The following ZNF841 variants were observed in gnomAD, a reference collection of about 807,000 sequenced individuals.
ZNF841 encodes zinc finger protein 841.
In ZNF841, 11 loss-of-function variants were observed where a neutral mutation model predicts 13.0. That is an observed-to-expected ratio of 0.85 (90% CI 0.53 to 1.40). The LOEUF (loss-of-function observed/expected upper bound fraction) is 1.40. ZNF841 is among the 40% of genes most tolerant of loss of function. The pLI is 0.00. For synonymous variants in ZNF841, 369 were observed against 381.6 expected, an observed-to-expected ratio of 0.97 and a Z score of 0.38; for missense variants, 1,068 against 1,139.5, an observed-to-expected ratio of 0.94 and a Z score of 0.90.
chr19:52,088,166 T>G (rs960521817), intron 3 of ZNF841, among the ~76,000 whole-genome samples: 7 of 152,100 alleles, frequency 4.6e-5, no homozygotes, highest in Non-Finnish European at 1.0e-4. Flanking sequence ...TGAAAAGTGC[T>G]TATGGCAGTA....
chr19:52,084,404 T>C (rs924473638), intron 4 of ZNF841, among the ~76,000 whole-genome samples: 3 of 152,178 alleles, frequency 2.0e-5, no homozygotes, highest in South Asian at 2.1e-4. Flanking sequence ...TGAGGTATTT[T>C]TGCATATTAA....
intron 3 of ZNF841, 103 bp downstream of exon 3, chr19:52,088,834 C>T (rs889636523): frequency 6.6e-6 from 1 of 152,182 alleles, no homozygotes. Flanking sequence ...TGAATAACAA[C>T]ACAGGACCCA....
intron 4 of ZNF841, 65 bp from the exon 5 acceptor site, chr19:52,077,149 AGAG>A (rs1008243152): frequency 3.3e-6 from 5 of 1,505,586 alleles, no homozygotes; most frequent in African/African-American, 2.8e-5. Context: ...TAAAATGAGA[AGAG>A]GAGAGAACTG....
chr19:52,065,096 G>A lies in ZNF841; in HGVS notation c.*11C>T, dbSNP rs753902250. The A allele has an allele frequency of 4.7e-6, 7 of 1,489,130 alleles. No homozygotes were observed. Among genetic ancestry groups the A allele is most frequent in the Admixed American group, 2.6e-5 (1 of 38,706 alleles). The allele number at this position is 1,489,130 out of a possible 1,614,324, so 92.2% of individuals were successfully genotyped here. ...AAGGACAAATATACAAGCTATATGA[G>A]TAAGTATAAATTATTTGGGGATCCC... On this transcript the variant is annotated 3_prime_UTR_variant, in exon 7 of 7. Transcript: ENST00000594440.
chr19:52,087,870 C>G (rs1471928212), intron 3 of ZNF841, among the ~76,000 whole-genome samples: 1 of 151,584 alleles, frequency 6.6e-6, no homozygotes, highest in Non-Finnish European at 1.5e-5. Context: ...CCTGTAATGA[C>G]CCCACCCCCG....
chr19:52,084,692 C>G, intron 4 of ZNF841, 95 bp downstream of exon 4: 1 of 1,389,540 alleles, frequency 7.2e-7, no homozygotes, highest in Non-Finnish European at 1.0e-6. Flanking sequence ...ATGTGTCAGG[C>G]AGGATACTTC....
intron 5 of ZNF841, 83 bp downstream of exon 5, chr19:52,076,875 T>C (rs2087917121): frequency 6.6e-7 from 1 of 1,523,242 alleles, no homozygotes; most frequent in Non-Finnish European, 9.0e-7. Flanking sequence ...TCAAATAATG[T>C]AGGGCCTCAC....
intron 4 of ZNF841, among the ~76,000 whole-genome samples, chr19:52,080,555 T>C (rs150931801): frequency 2.1e-3 from 316 of 152,320 alleles, no homozygotes; most frequent in African/African-American, 7.2e-3. Flanking sequence ...CTGGTTTCTC[T>C]CTTCCTGAAT....
downstream of ZNF841, among the ~76,000 whole-genome samples, chr19:52,061,663 C>A (rs1375995479): frequency 1.3e-5 from 2 of 152,222 alleles, no homozygotes; most frequent in East Asian, 3.8e-4. Context: ...TCTCCTGCCT[C>A]AGCCTCCCAG....
chr19:52,094,639 C>T (rs2088612128), intron 1 of ZNF841, among the ~76,000 whole-genome samples: 1 of 151,946 alleles, frequency 6.6e-6, no homozygotes, highest in South Asian at 2.1e-4. Context: ...TCTCTAGCAC[C>T]CCCAATTTCC....
Position 52,065,087 on chromosome 19 carries a change from G to T in ZNF841, c.*20C>A. 1 of 1,466,346 alleles carries T rather than the reference G, an allele frequency of 6.8e-7. No homozygotes were observed. The highest frequency in any genetic ancestry group is 9.1e-7 in the Non-Finnish European group (1 of 1,104,648). The allele number at this position is 1,466,346 out of a possible 1,614,324, so 90.8% of individuals were successfully genotyped here. A position where few individuals can be genotyped will look rare whatever the true frequency, so the allele number is the denominator to read the frequency against. ...TCAAAGGGAAAGGACAAATATACAAGCTATATGAGTAAGTATAAATTATTT... is the reference window on the plus strand; with the variant it reads ...TCAAAGGGAAAGGACAAATATACAATCTATATGAGTAAGTATAAATTATTT... On this transcript the variant is annotated 3_prime_UTR_variant, in exon 7 of 7. Coordinates refer to ENST00000594440, the MANE Select transcript of ZNF841 (RefSeq NM_001136499.2).
chr19:52,060,427 G>C (rs747165220), downstream of ZNF841, among the ~76,000 whole-genome samples: 1 of 152,196 alleles, frequency 6.6e-6, no homozygotes, highest in Non-Finnish European at 1.5e-5. Flanking sequence ...TGGTGAAACT[G>C]GAAGGTTTCC....
At chr19:52,059,348 T>TTAA in the ZNF841 span, among the ~76,000 whole-genome samples, 1 of 46,030 alleles carries the variant, frequency 2.2e-5, no homozygotes, top group African/African-American at 1.7e-4. Flanking sequence ...AGACTCTGTC[T>TTAA]AAAAAAAAAA....
At position 52,065,610 on chromosome 19, in the gene ZNF841, T is replaced by C. The variant is rs1346672799; in HGVS notation, c.2272A>G (p.Ile758Val). The change falls in exon 7 of 7, where the codon ATT becomes GTT. Residue 758 changes from isoleucine (I) to valine (V), a missense_variant. Physicochemically the swap from Ile to Val is conservative, Grantham distance 29. Transcript: ENST00000594440. Reference sequence around the variant, plus strand: ...TTGTAAGGTTTCTCTCCAGTATGAATTCTCCGATGCCTTGCCAGGGTTGTA... The same window carrying C: ...TTGTAAGGTTTCTCTCCAGTATGAACTCTCCGATGCCTTGCCAGGGTTGTA... ...STTTLARHRR[I>V]HTGEKPYKCN... is the part of the protein sequence containing the mutation. 1 of 1,612,992 alleles carries C rather than the reference T, an allele frequency of 6.2e-7. No homozygotes were observed. The highest frequency in any genetic ancestry group is 1.1e-5 in the South Asian group (1 of 90,956).
intron 2 of ZNF841, among the ~76,000 whole-genome samples, chr19:52,093,565 G>A (rs2088576028): frequency 6.6e-6 from 1 of 152,132 alleles, no homozygotes; most frequent in Admixed American, 6.5e-5. Context: ...TACTATATTG[G>A]ACACTTTAAC....
At chr19:52,070,931 T>C (rs549756208) in intron 6 of ZNF841, among the ~76,000 whole-genome samples, 2 of 152,152 alleles carry the variant, frequency 1.3e-5, no homozygotes, top group East Asian at 3.9e-4. Flanking sequence ...CAAAGTAATA[T>C]GTTAGGAAAG....
At chr19:52,082,525 C>T (rs534736501) in intron 4 of ZNF841, among the ~76,000 whole-genome samples, 303 of 152,120 alleles carry the variant, frequency 2.0e-3, no homozygotes, top group African/African-American at 7.0e-3. Flanking sequence ...ATAATCACAC[C>T]GTGAGCCAGG....
intron 6 of ZNF841, among the ~76,000 whole-genome samples, chr19:52,074,764 G>A (rs1392231671): frequency 2.0e-5 from 3 of 152,122 alleles, no homozygotes; most frequent in Admixed American, 6.6e-5. Flanking sequence ...TGATCCACCC[G>A]CCTCAGCCTC....
At chr19:52,072,508 A>G (rs973211794) in intron 6 of ZNF841, among the ~76,000 whole-genome samples, 1 of 152,322 alleles carries the variant, frequency 6.6e-6, no homozygotes, top group Middle Eastern at 3.4e-3. Context: ...CTAGAGATCA[A>G]CAGCAGAAGA....
Sources: allele counts gnomAD v4.1 joint callset (sites outside exome capture counted in the v4.1 genomes callset), GRCh38; gene constraint gnomAD v4.1.1; transcripts MANE v1.5; gene names NCBI Gene and HGNC (gene_info 2026-07-23, HGNC 2026-07-21).